The following HNRNPLL variants were observed in gnomAD, a reference collection of about 807,000 sequenced individuals.
HNRNPLL encodes the protein heterogeneous nuclear ribonucleoprotein L-like.
HNRNPLL carries 25 observed loss-of-function variants against 67.1 expected under a neutral mutation model. The observed-to-expected ratio is 0.37, with a 90% CI of 0.27 to 0.52. The LOEUF is 0.52. Ranked by LOEUF, HNRNPLL falls within the 20% of genes least tolerant of loss-of-function variation. The pLI, the probability that HNRNPLL is intolerant of heterozygous loss-of-function variation, is 0.90. For missense variants in HNRNPLL, 542 were observed against 673.9 expected, an observed-to-expected ratio of 0.80 and a Z score of 2.17; for synonymous variants, 267 against 241.7, an observed-to-expected ratio of 1.10 and a Z score of -0.97.
At chr2:38,592,578 T>C (rs887352295) in intron 1 of HNRNPLL, among the ~76,000 whole-genome samples, 1 of 152,236 alleles carries the variant, frequency 6.6e-6, no homozygotes, top group Non-Finnish European at 1.5e-5. Context: ...CTACGGAATA[T>C]TGTGTATCTT....
intron 7 of HNRNPLL, among the ~76,000 whole-genome samples, chr2:38,574,596 T>C (rs1318964232): frequency 2.0e-5 from 3 of 151,884 alleles, no homozygotes; most frequent in Non-Finnish European, 4.4e-5. Flanking sequence ...CATAACATAC[T>C]ATTAGAGCTT....
rs544574513 is a variant in HNRNPLL, at chr2:38,594,032, G to A, written c.190-2384C>T. ...TACTAAAAATACAAAAAAATTAGCC[G>A]GGCATGGTGGCAGGTGCCTGTAGTA... On this transcript the variant is annotated intron_variant, in intron 1 of 12. Transcript: ENST00000449105. Among the ~76,000 whole-genome samples the A allele has an allele frequency of 7.3e-5, 11 of 151,564 alleles. No individual in the cohort carries two copies. In the South Asian group the frequency reaches 2.1e-3, roughly 29 times the overall value.
At chr2:38,580,769 T>A (rs1284774463) in intron 6 of HNRNPLL, among the ~76,000 whole-genome samples, 1 of 152,254 alleles carries the variant, frequency 6.6e-6, no homozygotes, top group African/African-American at 2.4e-5. Context: ...TAGGTGAAGA[T>A]GCATCCCAAA....
intron 6 of HNRNPLL, among the ~76,000 whole-genome samples, chr2:38,580,435 T>A (rs1187661382): frequency 6.6e-6 from 1 of 152,232 alleles, no homozygotes; most frequent in Admixed American, 6.5e-5. Context: ...CATCTAAAAG[T>A]CCTAAATATG....
In HNRNPLL at chr2:38,587,867, G is replaced by A. The variant is rs531788047; in HGVS notation, c.309-1986C>T. Among the ~76,000 whole-genome samples the A allele has an allele frequency of 2.0e-4, 31 of 152,242 alleles. No homozygotes were observed. The South Asian group carries it at 5.8e-3, about 29-fold the overall frequency. Reference sequence around the variant, plus strand: ...TTGGCTCATGGGGGTGGTTTCTAATGGCTTAGCACTATCCCCCTAGCGCTG... The same window carrying A: ...TTGGCTCATGGGGGTGGTTTCTAATAGCTTAGCACTATCCCCCTAGCGCTG... On this transcript the variant is annotated intron_variant, in intron 2 of 12. Transcript: ENST00000449105.
chr2:38,576,786 G>C (rs888204766), intron 7 of HNRNPLL, among the ~76,000 whole-genome samples: 7 of 151,804 alleles, frequency 4.6e-5, no homozygotes, highest in African/African-American at 1.7e-4. Context: ...AGAATAGGTA[G>C]AGTCAATAAC....
intron 1 of HNRNPLL, among the ~76,000 whole-genome samples, chr2:38,598,903 T>C (rs1297823053): frequency 6.6e-6 from 1 of 152,372 alleles, no homozygotes; most frequent in South Asian, 2.1e-4. Flanking sequence ...ACTACTGCTA[T>C]GCAAGCCTCA....
chr2:38,598,347 AAGAG>A (rs1049444236), intron 1 of HNRNPLL, among the ~76,000 whole-genome samples: 1 of 152,170 alleles, frequency 6.6e-6, no homozygotes, highest in Non-Finnish European at 1.5e-5. Flanking sequence ...GAAACATGGA[AAGAG>A]AATCAAGTCC....
chr2:38,602,673 G>A lies in HNRNPLL; in HGVS notation c.-47C>T. 4.9e-6 allele frequency: 7 copies of A among 1,439,038 alleles called. No individual in the cohort carries two copies. The highest frequency in any genetic ancestry group is 5.4e-6 in the Non-Finnish European group (6 of 1,102,366). The allele number at this position is 1,439,038 out of a possible 1,614,324, so 89.1% of individuals were successfully genotyped here. On this transcript the variant is annotated 5_prime_UTR_variant, in exon 1 of 13. Transcript: ENST00000449105. ...CTGGCAGGCGGGTGGGGGTGGCGGT[G>A]GGGCGCGCGCCTCGGATGCCGCCGG...
intron 3 of HNRNPLL, among the ~76,000 whole-genome samples, chr2:38,585,256 A>C (rs770103980): frequency 7.2e-5 from 11 of 152,208 alleles, no homozygotes; most frequent in Non-Finnish European, 1.5e-4. Context: ...AAAATAGTTC[A>C]TAATGATATG....
intron 1 of HNRNPLL, among the ~76,000 whole-genome samples, 171 bp from the exon 2 acceptor site, chr2:38,591,819 T>G (rs1048863529): frequency 2.0e-5 from 3 of 151,788 alleles, no homozygotes; most frequent in Non-Finnish European, 4.4e-5. Flanking sequence ...CTACTAAAAA[T>G]AGAAAAATTA....
At chr2:38,588,114 CCT>C (rs1666805997) in intron 2 of HNRNPLL, among the ~76,000 whole-genome samples, 1 of 152,166 alleles carries the variant, frequency 6.6e-6, no homozygotes, top group South Asian at 2.1e-4. Flanking sequence ...GCCGATTAAA[CCT>C]CTCTTCTTAA....
chr2:38,564,610 T>A (rs1367769438), intron 12 of HNRNPLL, among the ~76,000 whole-genome samples: 1 of 101,632 alleles, frequency 9.8e-6, no homozygotes, highest in Non-Finnish European at 1.8e-5. Flanking sequence ...TGAGACTCCG[T>A]CTCAAAAAAA....
intron 1 of HNRNPLL, among the ~76,000 whole-genome samples, chr2:38,599,399 T>C (rs1330478228): frequency 6.6e-6 from 1 of 152,224 alleles, no homozygotes; most frequent in East Asian, 1.9e-4. Flanking sequence ...TCAAGCTGCC[T>C]TCTTAAAAGA....
At position 38,569,320 on chromosome 2, in the gene HNRNPLL, T is replaced by G; in HGVS notation, c.1229A>C (p.His410Pro). 1 of 1,608,632 alleles carries G rather than the reference T, an allele frequency of 6.2e-7. No individual in the cohort carries two copies. Among genetic ancestry groups the G allele is most frequent in the East Asian group, 2.2e-5 (1 of 44,812 alleles). The stretch of plus-strand genomic sequence containing the variant: ...AAATATTTGACTTGGAACAACTGAA[T>G]GTTGTTTAGACACGCTAAAGATTGT... ...KRLNVCVSKQ[H>P]SVVPSQIFEL... is the part of the protein sequence containing the mutation. Residue 410 changes from histidine (H) to proline (P), a missense_variant, in exon 10 of 13, where the codon CAT becomes CCT. Physicochemically the swap from His to Pro is moderately conservative, Grantham distance 77. Around this residue, in one of 2 missense-constraint regions of HNRNPLL, gnomAD observed 415 missense variants for 575.2 expected, o/e 0.72. Coordinates refer to ENST00000449105, the MANE Select transcript of HNRNPLL (RefSeq NM_138394.4).
chr2:38,569,608 A>G (rs1193533276), intron 9 of HNRNPLL, among the ~76,000 whole-genome samples, 196 bp downstream of exon 9: 1 of 152,218 alleles, frequency 6.6e-6, no homozygotes, highest in Non-Finnish European at 1.5e-5. Flanking sequence ...TCATAAAACT[A>G]AAAAGCAGGT....
chr2:38,586,558 T>G (rs972133457), intron 2 of HNRNPLL, among the ~76,000 whole-genome samples: 1 of 152,198 alleles, frequency 6.6e-6, no homozygotes, highest in Non-Finnish European at 1.5e-5. Flanking sequence ...GAATCCCTAC[T>G]TGACAGCACA....
intron 1 of HNRNPLL, among the ~76,000 whole-genome samples, chr2:38,594,093 T>C (rs1667077516): frequency 6.6e-6 from 1 of 151,576 alleles, no homozygotes; most frequent in Non-Finnish European, 1.5e-5. Context: ...GAGAATGGCG[T>C]GAACCCAGGA....
At chr2:38,576,300 T>G (rs1053538575) in intron 7 of HNRNPLL, among the ~76,000 whole-genome samples, 3 of 151,826 alleles carry the variant, frequency 2.0e-5, no homozygotes, top group Non-Finnish European at 4.4e-5. Flanking sequence ...GCAAATTTTT[T>G]GTAACCCTCC....
Sources: gnomAD v4.1 joint callset for allele counts (sites outside exome capture counted in the v4.1 genomes callset) on GRCh38, gnomAD v4.1.1 for gene constraint, gnomAD v4.1.1 regional missense constraint, MANE v1.5 for transcripts, NCBI Gene and HGNC (gene_info 2026-07-23, HGNC 2026-07-21) for gene names.